Variants in ITFG1 observed in about 807,000 individuals in gnomAD.
ITFG1 encodes integrin alpha FG-GAP repeat containing 1.
In ITFG1, 34 loss-of-function variants were observed where a neutral mutation model predicts 81.8. The observed-to-expected ratio is 0.42, with a 90% CI of 0.32 to 0.55. The LOEUF (loss-of-function observed/expected upper bound fraction) is 0.55, where lower values mean the gene tolerates loss of function less well. Among genes scored for constraint, ITFG1 ranks in the 20% least tolerant of loss-of-function variants. The pLI, the probability that ITFG1 is intolerant of heterozygous loss-of-function variation, is 0.17. For missense variants in ITFG1, 672 were observed against 755.4 expected (o/e 0.89, Z 1.29); for synonymous variants, 285 against 270.6 (o/e 1.05, Z -0.52).
At chr16:47,442,593 G>A (rs1309440625) in intron 5 of ITFG1, among the ~76,000 whole-genome samples, 2 of 152,118 alleles carry the variant, frequency 1.3e-5, no homozygotes, top group African/African-American at 4.8e-5. Context: ...CAGAAATAAT[G>A]TCGCATATCT....
chr16:47,260,222 C>A (rs995973911), intron 11 of ITFG1, among the ~76,000 whole-genome samples: 9 of 152,214 alleles, frequency 5.9e-5, no homozygotes, highest in African/African-American at 2.2e-4. Context: ...CAGGTGTGAG[C>A]CACCGCGCCC....
intron 6 of ITFG1, among the ~76,000 whole-genome samples, chr16:47,397,822 A>G (rs1372998995): frequency 1.3e-5 from 2 of 152,210 alleles, no homozygotes; most frequent in Admixed American, 6.5e-5. Flanking sequence ...AGAGAAAGCT[A>G]GAAAGGAAGA....
At chr16:47,208,778 A>G (rs927604517) in intron 14 of ITFG1, among the ~76,000 whole-genome samples, 1 of 152,192 alleles carries the variant, frequency 6.6e-6, no homozygotes, top group Non-Finnish European at 1.5e-5. Context: ...GAGATAACCA[A>G]CTTCTCTGTT....
At chr16:47,430,538 T>G (rs1969082280) in intron 5 of ITFG1, among the ~76,000 whole-genome samples, 1 of 152,326 alleles carries the variant, frequency 6.6e-6, no homozygotes, top group African/African-American at 2.4e-5. Context: ...AGCAGTCATA[T>G]TTATTATCTT....
At chr16:47,347,347 A>C (rs755325232) in intron 8 of ITFG1, among the ~76,000 whole-genome samples, 7 of 152,224 alleles carry the variant, frequency 4.6e-5, no homozygotes, top group Non-Finnish European at 7.3e-5. Flanking sequence ...CTCCCACCCT[A>C]ATACCGCGCT....
intron 13 of ITFG1, among the ~76,000 whole-genome samples, chr16:47,228,438 C>T (rs767470514): frequency 2.0e-5 from 3 of 152,146 alleles, no homozygotes. Context: ...CAGCTCACTA[C>T]GGCCTTGACT....
chr16:47,327,638 AAAC>A (rs1229514459), intron 8 of ITFG1, among the ~76,000 whole-genome samples: 1 of 152,216 alleles, frequency 6.6e-6, no homozygotes, highest in African/African-American at 2.4e-5. Context: ...AGAAAAAAAC[AAAC>A]AACCTCATCA....
intron 13 of ITFG1, among the ~76,000 whole-genome samples, chr16:47,224,403 T>A (rs544777422): frequency 1.3e-5 from 2 of 152,260 alleles, no homozygotes; most frequent in African/African-American, 4.8e-5. Context: ...TCCATGAACA[T>A]ATGCAGCACT....
At chr16:47,342,482 A>G (rs1967797133) in intron 8 of ITFG1, among the ~76,000 whole-genome samples, 1 of 152,140 alleles carries the variant, frequency 6.6e-6, no homozygotes, top group Non-Finnish European at 1.5e-5. Context: ...TATTCAACAT[A>G]CTGGAAATTC....
chr16:47,347,126 A>G (rs1454429566), intron 8 of ITFG1, among the ~76,000 whole-genome samples: 2 of 152,218 alleles, frequency 1.3e-5, no homozygotes, highest in Admixed American at 1.3e-4. Flanking sequence ...AGCAACACAG[A>G]AGACGGGTGA....
intron 5 of ITFG1, among the ~76,000 whole-genome samples, chr16:47,438,985 C>T (rs1969208144): frequency 6.6e-6 from 1 of 152,068 alleles, no homozygotes; most frequent in African/African-American, 2.4e-5. Context: ...CAGAGAAGCC[C>T]TTAAAGGACC....
intron 14 of ITFG1, among the ~76,000 whole-genome samples, chr16:47,208,717 G>T (rs991841750): frequency 2.0e-5 from 3 of 152,180 alleles, no homozygotes; most frequent in East Asian, 3.8e-4. Context: ...AGAAAAAGCT[G>T]ATCATCTTAT....
chr16:47,230,573 G>T (rs758851048), intron 13 of ITFG1, among the ~76,000 whole-genome samples: 18 of 152,118 alleles, frequency 1.2e-4, no homozygotes, highest in Non-Finnish European at 2.1e-4. Context: ...GACAAGTGGA[G>T]GCCAGATGCA....
At chr16:47,271,222 T>C (rs1296092731) in intron 10 of ITFG1, among the ~76,000 whole-genome samples, 3 of 152,140 alleles carry the variant, frequency 2.0e-5, no homozygotes, top group Non-Finnish European at 4.4e-5. Flanking sequence ...TCATATTTAA[T>C]AGGGGACTTG....
At chr16:47,434,996 G>T (rs1444322949) in intron 5 of ITFG1, among the ~76,000 whole-genome samples, 1 of 152,068 alleles carries the variant, frequency 6.6e-6, no homozygotes, top group Non-Finnish European at 1.5e-5. Flanking sequence ...GGACACATAG[G>T]GTGCGGGGAA....
intron 6 of ITFG1, among the ~76,000 whole-genome samples, chr16:47,422,462 T>C (rs984141382): frequency 2.0e-5 from 3 of 152,204 alleles, no homozygotes; most frequent in African/African-American, 7.2e-5. Context: ...CTTTTTTTGT[T>C]ATGTCTCTGC....
intron 6 of ITFG1, among the ~76,000 whole-genome samples, chr16:47,399,150 A>C (rs1428350051): frequency 6.6e-6 from 1 of 152,242 alleles, no homozygotes; most frequent in African/African-American, 2.4e-5. Context: ...AATTCAGCAA[A>C]AATGAGATAA....
At chr16:47,372,532 C>T (rs1248720769) in intron 7 of ITFG1, among the ~76,000 whole-genome samples, 1 of 151,610 alleles carries the variant, frequency 6.6e-6, no homozygotes, top group Non-Finnish European at 1.5e-5. Context: ...GATCTCACTG[C>T]AACCTCTGCC....
intron 14 of ITFG1, among the ~76,000 whole-genome samples, chr16:47,167,015 C>G (rs1477409444): frequency 1.3e-5 from 2 of 152,126 alleles, no homozygotes; most frequent in African/African-American, 4.8e-5. Context: ...AATCAAATGG[C>G]CTTTAGTGTA....
Sources: allele counts gnomAD v4.1 joint callset (sites outside exome capture counted in the v4.1 genomes callset), GRCh38; gene constraint gnomAD v4.1.1; transcripts MANE v1.5; gene names NCBI Gene and HGNC (gene_info 2026-07-23, HGNC 2026-07-21).